The following INPP5B variants were observed in gnomAD, a reference collection of about 807,000 sequenced individuals.
INPP5B encodes type II inositol 1,4,5-trisphosphate 5-phosphatase.
INPP5B carries 90 observed loss-of-function variants against 118.5 expected under a neutral mutation model. The observed-to-expected ratio is 0.76, with a 90% CI of 0.64 to 0.90. The LOEUF (loss-of-function observed/expected upper bound fraction) is 0.90. Among genes scored for constraint, INPP5B ranks in the 40% least tolerant of loss-of-function variants. The pLI, the probability that INPP5B is intolerant of heterozygous loss-of-function variation, is 0.00. For missense variants in INPP5B, 984 were observed against 1,125.6 expected (o/e 0.87, Z 1.80); for synonymous variants, 385 against 418.9 (o/e 0.92, Z 0.99).
At chr1:37,883,413 GCAGTATAT>G (rs1643328138) in intron 13 of INPP5B, 2 of 985,410 alleles carry the variant, frequency 2.0e-6, no homozygotes, top group East Asian at 2.3e-4. Flanking sequence ...GATTTAACCA[GCAGTATAT>G]CATTGGTTGG....
chr1:37,943,735 G>A lies in INPP5B; in HGVS notation c.250+61C>T. On this transcript the variant is annotated intron_variant, in intron 4 of 23. Transcript: ENST00000373024. Reference sequence around the variant, plus strand: ...TACTCCCCCTTGCCCCCCCATCAAGGACAAAGATGAGCTGGGGGGCCCATA... The same window carrying A: ...TACTCCCCCTTGCCCCCCCATCAAGAACAAAGATGAGCTGGGGGGCCCATA... 4 of 1,611,000 alleles carry A rather than the reference G, an allele frequency of 2.5e-6. No homozygotes were observed. The South Asian group carries it at 4.4e-5, about 18-fold the overall frequency.
rs1171286053 is a variant in INPP5B, at chr1:37,873,269, A to C, written c.1952-104T>G. ...TAAGGCATAAAGGGTTAGGAAAAGG[A>C]AAGAAAAGGTATCAGCCAACCAACA... On this transcript the variant is annotated intron_variant, in intron 18 of 23. Transcript: ENST00000373024. The C allele has an allele frequency of 7.6e-6, 6 of 792,310 alleles. No individual in the cohort carries two copies. In the African/African-American group the frequency reaches 8.5e-5, roughly 11 times the overall value. The allele number at this position is 792,310 out of a possible 1,614,324, so 49.1% of individuals were successfully genotyped here. A position where few individuals can be genotyped will look rare whatever the true frequency, so the allele number is the denominator to read the frequency against.
chr1:37,862,744 T>C (rs193093455), intron 23 of INPP5B, among the ~76,000 whole-genome samples: 24 of 152,346 alleles, frequency 1.6e-4, no homozygotes, highest in African/African-American at 4.3e-4. Context: ...TACGGTATTA[T>C]GAGCTGGGTG....
intron 7 of INPP5B, among the ~76,000 whole-genome samples, chr1:37,927,717 T>G (rs1296095968): frequency 1.3e-5 from 2 of 151,804 alleles, no homozygotes; most frequent in African/African-American, 2.4e-5. Flanking sequence ...TTTTGTATTT[T>G]TAGTAGAGAC....
rs148936411 is a variant in INPP5B at position 37,916,848 on chromosome 1, T to C, written c.532+15065A>G. Reference sequence around the variant, plus strand: ...CATTATTTCTTCATTCAATTGCTCCTTCTGCCTCCTTTTGCTCTATTTCCT... The same window carrying C: ...CATTATTTCTTCATTCAATTGCTCCCTCTGCCTCCTTTTGCTCTATTTCCT... On this transcript the variant is annotated intron_variant, in intron 7 of 23. Transcript: ENST00000373024. 1.1e-3 allele frequency among the ~76,000 whole-genome samples: 167 copies of C among 152,294 alleles called. 1 individual carries two copies. Among genetic ancestry groups the C allele is most frequent in the Non-Finnish European group, 1.9e-3 (126 of 68,010 alleles).
chr1:37,882,702 C>T, intron 14 of INPP5B, 105 bp downstream of exon 14: 1 of 779,786 alleles, frequency 1.3e-6, no homozygotes, highest in Non-Finnish European at 2.1e-6. Context: ...TCAGGGAAAC[C>T]TCCCAAGCCA....
intron 7 of INPP5B, among the ~76,000 whole-genome samples, chr1:37,928,278 A>C (rs1481630789): frequency 1.3e-5 from 2 of 151,640 alleles, no homozygotes; most frequent in Non-Finnish European, 2.9e-5. Flanking sequence ...GGTTCAACTG[A>C]TTCTCCTGCC....
chr1:37,890,497 T>A (rs564032873), intron 8 of INPP5B, among the ~76,000 whole-genome samples: 2 of 152,350 alleles, frequency 1.3e-5, no homozygotes, highest in South Asian at 2.1e-4. Context: ...TGTACTGTAT[T>A]TATAGTCGTA....
intron 21 of INPP5B, among the ~76,000 whole-genome samples, chr1:37,866,244 T>C (rs1333921273): frequency 2.0e-5 from 3 of 152,168 alleles, no homozygotes; most frequent in African/African-American, 7.2e-5. Context: ...GTGATAGAGA[T>C]GGACCCTGTC....
At chr1:37,867,542 C>A (rs757020112) in intron 20 of INPP5B, among the ~76,000 whole-genome samples, 2 of 152,084 alleles carry the variant, frequency 1.3e-5, no homozygotes, top group Non-Finnish European at 2.9e-5. Context: ...ACTGTGAAAA[C>A]TAGAGGCAAT....
chr1:37,904,705 C>T (rs1644447138), intron 7 of INPP5B, among the ~76,000 whole-genome samples: 1 of 151,740 alleles, frequency 6.6e-6, no homozygotes, highest in African/African-American at 2.4e-5. Context: ...AGGAGAAACC[C>T]CATCTCTACT....
intron 7 of INPP5B, among the ~76,000 whole-genome samples, chr1:37,906,882 G>GAA (rs77721092): frequency 1.4e-5 from 2 of 146,728 alleles, no homozygotes; most frequent in African/African-American, 5.1e-5. Context: ...AAGAAAGAAA[G>GAA]AAAAAAAAAA....
chr1:37,870,909 C>A (rs1642373091), intron 19 of INPP5B, among the ~76,000 whole-genome samples: 1 of 152,152 alleles, frequency 6.6e-6, no homozygotes, highest in Non-Finnish European at 1.5e-5. Flanking sequence ...AATCCCAACA[C>A]TTGGTGAGGC....
intron 7 of INPP5B, among the ~76,000 whole-genome samples, chr1:37,899,543 C>T (rs1408124791): frequency 6.6e-6 from 1 of 152,098 alleles, no homozygotes; most frequent in Non-Finnish European, 1.5e-5. Context: ...GCCTGGGCAA[C>T]AAGAGCGAAA....
intron 7 of INPP5B, among the ~76,000 whole-genome samples, chr1:37,896,513 G>A (rs1194717138): frequency 6.9e-6 from 1 of 145,224 alleles, no homozygotes; most frequent in African/African-American, 2.5e-5. Flanking sequence ...CCGTCCGGCA[G>A]GTGAGGGGCG....
chr1:37,894,141 T>C (rs1267137554), intron 7 of INPP5B, among the ~76,000 whole-genome samples: 1 of 152,210 alleles, frequency 6.6e-6, no homozygotes, highest in African/African-American at 2.4e-5. Context: ...TTGAATCTTT[T>C]CAAACATTTA....
chr1:37,868,652 G>T, intron 19 of INPP5B, 38 bp from the exon 20 acceptor site: 1 of 1,397,952 alleles, frequency 7.2e-7, no homozygotes, highest in Non-Finnish European at 1.0e-6. Context: ...ACTTCTGCCA[G>T]GCTGGCTCCA....
chr1:37,866,385 TTCTCTCTC>T lies in INPP5B; in HGVS notation c.2386+66_2386+73del, dbSNP rs57019964. On this transcript the variant is annotated intron_variant, in intron 21 of 23. Transcript: ENST00000373024. ...CTTTTTCTCACCCCTCTCACTCATA[TTCTCTCTC>T]TCTCTCTCTCTCTCACACACACACA... is the stretch of plus-strand genomic sequence containing the variant. The T allele has an allele frequency of 8.1e-4, 493 of 606,480 alleles. 3 individuals carry two copies. The African/African-American group carries it at 8.6e-3, about 11-fold the overall frequency. 37.6% of individuals were successfully genotyped at this position (606,480 alleles called of 1,614,324 possible).
chr1:37,899,330 G>A (rs189363073), intron 7 of INPP5B, among the ~76,000 whole-genome samples: 68 of 152,134 alleles, frequency 4.5e-4, no homozygotes, highest in Middle Eastern at 3.4e-3. Flanking sequence ...TTGGGAGGCC[G>A]AGGTGGGCAA....
Sources: gnomAD v4.1 joint callset for allele counts (sites outside exome capture counted in the v4.1 genomes callset) on GRCh38, gnomAD v4.1.1 for gene constraint, MANE v1.5 for transcripts, NCBI Gene and HGNC (gene_info 2026-07-23, HGNC 2026-07-21) for gene names.